The following EML4 variants were observed in gnomAD, a reference collection of about 807,000 sequenced individuals.
EML4 encodes echinoderm microtubule-associated protein-like 4.
In EML4, 72 loss-of-function variants were observed where a neutral mutation model predicts 129.0. That is an observed-to-expected ratio of 0.56 (90% confidence interval 0.46 to 0.68). The LOEUF (loss-of-function observed/expected upper bound fraction) is 0.68, where lower values mean the gene tolerates loss of function less well. Ranked by LOEUF, EML4 falls within the 30% of genes least tolerant of loss-of-function variation. The pLI, the probability that EML4 is intolerant of heterozygous loss-of-function variation, is 0.00. For missense variants in EML4, 1,363 were observed against 1,190.6 expected (o/e 1.14, Z -2.13); for synonymous variants, 532 against 405.0 (o/e 1.31, Z -3.77).
In EML4 at chr2:42,330,635, T is replaced by C. The variant is rs559604425; in HGVS notation, c.*428T>C. Reference sequence around the variant, plus strand: ...ACTGTACTACTTTTTTTTTTTTTTTTCCTGAAAAAGAAACCAGAAAAAAAT... The same window carrying C: ...ACTGTACTACTTTTTTTTTTTTTTTCCCTGAAAAAGAAACCAGAAAAAAAT... On this transcript the variant is annotated 3_prime_UTR_variant, in exon 23 of 23. Transcript: ENST00000318522. 6.4e-3 allele frequency: 1,650 copies of C among 258,994 alleles called. 27 individuals are homozygous for C. Among genetic ancestry groups the C allele is most frequent in the African/African-American group, 0.033 (1,506 of 45,098 alleles). 16.0% of individuals were successfully genotyped at this position (258,994 alleles called of 1,614,324 possible).
rs142221543 is a variant in EML4, at chr2:42,258,026, G to A, written c.338+1396G>A. Among the ~76,000 whole-genome samples the A allele has an allele frequency of 3.3e-3, 510 of 152,318 alleles. 2 individuals are homozygous for A. The highest frequency in any genetic ancestry group is 5.6e-3 in the Non-Finnish European group (380 of 68,022). ...ATAAATTTCCGTGTTGTATCCAGTA[G>A]TGGTTCAGATTCAGCCCATTTTCTT... On this transcript the variant is annotated intron_variant, in intron 3 of 22. Coordinates refer to ENST00000318522, the MANE Select transcript of EML4 (RefSeq NM_019063.5).
chr2:42,196,047 C>T (rs1263844847), intron 1 of EML4, among the ~76,000 whole-genome samples: 1 of 152,064 alleles, frequency 6.6e-6, no homozygotes, highest in Non-Finnish European at 1.5e-5. Context: ...TTATTCTCAT[C>T]AAATTGAGTA....
intron 2 of EML4, among the ~76,000 whole-genome samples, chr2:42,246,130 G>GA (rs1320356888): frequency 4.6e-5 from 7 of 152,126 alleles, no homozygotes; most frequent in African/African-American, 1.7e-4. Context: ...GCAGAATCCT[G>GA]AAAAAATTAA....
intron 11 of EML4, among the ~76,000 whole-genome samples, chr2:42,292,763 A>T (rs1236341139): frequency 6.6e-6 from 1 of 152,146 alleles, no homozygotes; most frequent in Non-Finnish European, 1.5e-5. Context: ...ATGTATATAA[A>T]ATATATATCA....
intron 1 of EML4, among the ~76,000 whole-genome samples, chr2:42,229,160 C>T (rs1339726662): frequency 2.6e-5 from 4 of 152,078 alleles, no homozygotes; most frequent in Non-Finnish European, 5.9e-5. Flanking sequence ...GTATTGGAAT[C>T]TTATGATGAT....
intron 22 of EML4, 24 bp from the exon 23 acceptor site, chr2:42,329,710 G>A (rs1451207384): frequency 6.3e-7 from 1 of 1,588,676 alleles, no homozygotes. Flanking sequence ...TAATTTTCCT[G>A]TCTGTCTGAT....
chr2:42,255,402 A>G (rs945235311), intron 2 of EML4, among the ~76,000 whole-genome samples: 3 of 152,062 alleles, frequency 2.0e-5, no homozygotes, highest in African/African-American at 4.8e-5. Context: ...CATGGTTTCT[A>G]TTTGGGGTGA....
intron 1 of EML4, 55 bp from the exon 2 acceptor site, chr2:42,245,450 A>G (rs777973006): frequency 4.6e-4 from 679 of 1,464,226 alleles, no homozygotes; most frequent in Non-Finnish European, 5.7e-4. Flanking sequence ...CTAATCAGAA[A>G]TTACTTCTCA....
intron 1 of EML4, among the ~76,000 whole-genome samples, chr2:42,173,726 C>A (rs578105829): frequency 8.7e-4 from 133 of 152,212 alleles, no homozygotes; most frequent in Middle Eastern, 3.4e-3. Flanking sequence ...TGCCTGTAAC[C>A]CCAGCTACTT....
chr2:42,317,378 A>C (rs1382594653), intron 18 of EML4, 49 bp from the exon 19 acceptor site: 1 of 1,179,570 alleles, frequency 8.5e-7, no homozygotes, highest in African/African-American at 1.5e-5. Flanking sequence ...AACAGTAAAT[A>C]AATTTATCAG....
chr2:42,317,457 A>C lies in EML4; in HGVS notation c.2087A>C (p.Asp696Ala), dbSNP rs1669302829. 5 of 1,612,770 alleles carry C rather than the reference A, an allele frequency of 3.1e-6. No homozygotes were observed. The South Asian group carries it at 5.5e-5, about 18-fold the overall frequency. The change falls in exon 19 of 23, where the codon GAC becomes GCC. Residue 696 changes from aspartate (D) to alanine (A), a missense_variant. Physicochemically the swap from Asp to Ala is moderately radical, Grantham distance 126. Transcript: ENST00000318522. ...ACCTTCCTGGCTGTAGGATCTCATG[A>C]CAACTTTATTTACCTCTATGTAGTC... ...DGTFLAVGSH[D>A]NFIYLYVVSE...
chr2:42,170,710 A>G (rs1267954793), intron 1 of EML4, among the ~76,000 whole-genome samples: 1 of 152,232 alleles, frequency 6.6e-6, no homozygotes, highest in Admixed American at 6.5e-5. Flanking sequence ...GTTGTGTGAT[A>G]CCTACTGCTG....
At chr2:42,303,716 G>A (rs1330287738) in intron 16 of EML4, among the ~76,000 whole-genome samples, 1 of 152,192 alleles carries the variant, frequency 6.6e-6, no homozygotes, top group Non-Finnish European at 1.5e-5. Context: ...ACGAGGTCAG[G>A]AGATCGAGAC....
intron 6 of EML4, among the ~76,000 whole-genome samples, chr2:42,267,690 A>T (rs1338957630): frequency 6.6e-6 from 1 of 152,188 alleles, no homozygotes. Context: ...AAGTGAAATG[A>T]GATGTACGCA....
chr2:42,232,776 T>C (rs966503393), intron 1 of EML4, among the ~76,000 whole-genome samples: 2 of 152,194 alleles, frequency 1.3e-5, no homozygotes, highest in Non-Finnish European at 2.9e-5. Context: ...CAGGCTGGAG[T>C]GCAGTGGCAC....
In EML4 at chr2:42,286,308, C is replaced by G. The variant is rs776886745; in HGVS notation, c.1051C>G (p.Leu351Val). Residue 351 changes from leucine (L) to valine (V), a missense_variant, in exon 10 of 23, where the codon CTA (leucine) becomes GTA (valine). Transcript: ENST00000318522. ...CGTCAGAGTGTGGGATTCTGTTACTCTATCCACACTGCAGATTATTGGACT... is the reference window on the plus strand; with the variant it reads ...CGTCAGAGTGTGGGATTCTGTTACTGTATCCACACTGCAGATTATTGGACT... ...PHVRVWDSVT[L>V]STLQIIGLGT... 4 of 1,613,858 alleles carry G rather than the reference C, an allele frequency of 2.5e-6. No individual in the cohort carries two copies. The highest frequency in any genetic ancestry group is 1.7e-5 in the Admixed American group (1 of 60,002).
At chr2:42,219,118 A>G (rs1322408017) in intron 1 of EML4, among the ~76,000 whole-genome samples, 2 of 152,216 alleles carry the variant, frequency 1.3e-5, no homozygotes, top group Non-Finnish European at 2.9e-5. Flanking sequence ...GTGAACATAG[A>G]AAGTTTAGTT....
chr2:42,231,614 A>T (rs1217182258), intron 1 of EML4, among the ~76,000 whole-genome samples: 1 of 152,178 alleles, frequency 6.6e-6, no homozygotes, highest in Non-Finnish European at 1.5e-5. Flanking sequence ...GTAATCAATG[A>T]CCATATTCCA....
intron 1 of EML4, among the ~76,000 whole-genome samples, chr2:42,214,912 A>G (rs1460471302): frequency 1.3e-5 from 2 of 152,156 alleles, no homozygotes; most frequent in East Asian, 3.8e-4. Flanking sequence ...AAGTTACACA[A>G]CTTTTGTTGG....
Sources: gnomAD v4.1 joint callset for allele counts (sites outside exome capture counted in the v4.1 genomes callset) on GRCh38, gnomAD v4.1.1 for gene constraint, MANE v1.5 for transcripts, NCBI Gene and HGNC (gene_info 2026-07-23, HGNC 2026-07-21) for gene names.